Variants in GP2 observed in about 807,000 individuals in gnomAD.
The protein encoded by GP2 is pancreatic secretory granule membrane major glycoprotein GP2.
In GP2, 58 loss-of-function variants were observed where a neutral mutation model predicts 60.8. The observed-to-expected ratio is 0.95, with a 90% CI of 0.77 to 1.19. The LOEUF (loss-of-function observed/expected upper bound fraction) is 1.19, where lower values mean the gene tolerates loss of function less well. GP2 is among the 50% of genes most tolerant of loss of function. The pLI is 0.00. For synonymous variants in GP2, 280 were observed against 253.4 expected (o/e 1.10, Z -1.00); for missense variants, 647 against 667.4 (o/e 0.97, Z 0.34).
Position 20,311,288 on chromosome 16 carries a change from T to C in GP2, c.1547-7A>G. On this transcript the variant is annotated splice_region_variant and splice_polypyrimidine_tract_variant and intron_variant, in intron 10 of 10. Transcript: ENST00000302555. ...GGCCAGGCCACCAGGAACCCTGAAA[T>C]ACAAGAAATATGACTGTCAAGTGTT... 1 of 1,580,888 alleles carries C rather than the reference T, an allele frequency of 6.3e-7. No individual in the cohort carries two copies. Among genetic ancestry groups the C allele is most frequent in the Non-Finnish European group, 8.7e-7 (1 of 1,149,982 alleles).
intron 5 of GP2, 29 bp from the exon 6 acceptor site, chr16:20,319,797 T>C (rs1163154496): frequency 2.5e-6 from 4 of 1,584,462 alleles, no homozygotes; most frequent in Non-Finnish European, 3.5e-6. Context: ...ACCATACAGA[T>C]GTTTATGTGT....
At chr16:20,318,142 A>C (rs1027670020) in intron 7 of GP2, 43 bp downstream of exon 7, 2 of 1,560,354 alleles carry the variant, frequency 1.3e-6, no homozygotes, top group African/African-American at 2.7e-5. Context: ...CTTTCCTGTA[A>C]ACGTTAGTAA....
chr16:20,317,424 A>C, intron 7 of GP2, 49 bp from the exon 8 acceptor site: 1 of 1,417,822 alleles, frequency 7.1e-7, no homozygotes, highest in Non-Finnish European at 9.9e-7. Context: ...ACAGCAGTGG[A>C]GAAAATTAAA....
rs771832988 is a variant in GP2, at chr16:20,318,322, A to C, written c.1116T>G (p.Ser372=). 1.2e-6 allele frequency: 2 copies of C among 1,613,988 alleles called. No homozygotes were observed. The highest frequency in any genetic ancestry group is 1.7e-6 in the Non-Finnish European group (2 of 1,179,832). Reference sequence around the variant, plus strand: ...CACCCACATACAGCACGGACTCAACAGACAGTTCAACTGCATCCCCTTCGT... The same window carrying C: ...CACCCACATACAGCACGGACTCAACCGACAGTTCAACTGCATCCCCTTCGT... ...NPYEGDAVEL[S]VESVLYVGAI... is the part of the protein sequence containing the mutation. Residue 372 remains serine (S), a synonymous_variant, in exon 7 of 11, where the codon TCT becomes TCG. Transcript: ENST00000302555.
At position 20,323,818 on chromosome 16, in the gene GP2, G is replaced by A. The variant is rs767688176; in HGVS notation, c.533C>T (p.Thr178Ile). Residue 178 changes from threonine to isoleucine, a missense_variant and splice_region_variant, in exon 3 of 11, where the codon ACA becomes ATA. Transcript: ENST00000302555. ...GTPWCNLRYC[T>I]DPSTVEDKCE... ...TCCTCCAGGGCTCTGCTGCTCACCT[G>A]TGCAGTATCTCAGATTACACCAGGG... The A allele has an allele frequency of 6.2e-7, 1 of 1,603,772 alleles. No homozygotes were observed. The highest frequency in any genetic ancestry group is 8.5e-7 in the Non-Finnish European group (1 of 1,173,558).
chr16:20,318,159 A>T, intron 7 of GP2, 26 bp downstream of exon 7: 1 of 1,603,800 alleles, frequency 6.2e-7, no homozygotes, highest in Non-Finnish European at 8.5e-7. Context: ...GTAAGGCCAA[A>T]TGATAATTCC....
At chr16:20,326,136 A>T in intron 2 of GP2, 1 of 580,434 alleles carries the variant, frequency 1.7e-6, no homozygotes, top group South Asian at 2.1e-5. Flanking sequence ...GCCCTTTCAG[A>T]GGAATTTCTG....
At chr16:20,320,151 C>A in intron 5 of GP2, 111 bp downstream of exon 5, 1 of 784,020 alleles carries the variant, frequency 1.3e-6, no homozygotes, top group Admixed American at 2.0e-5. Context: ...CTCACACAAC[C>A]CTGGGGGCTC....
In GP2 at chr16:20,327,425, A is replaced by T. The variant is rs776081868; in HGVS notation, c.-37+42T>A. ...CATGTCCAGTGGATCAAGATTTCCC[A>T]GGATTAGGAGGAAGCCTCCTGGGGC... On this transcript the variant is annotated intron_variant, in intron 1 of 10. Coordinates refer to ENST00000302555, the MANE Select transcript of GP2 (RefSeq NM_001502.4). The T allele has an allele frequency of 1.1e-4, 138 of 1,238,220 alleles. 1 individual carries two copies. The highest frequency in any genetic ancestry group is 8.0e-4 in the South Asian group (60 of 75,132). The allele number at this position is 1,238,220 out of a possible 1,614,324, so 76.7% of individuals were successfully genotyped here.
intron 4 of GP2, among the ~76,000 whole-genome samples, chr16:20,321,784 G>A (rs1964364148): frequency 6.6e-6 from 1 of 152,170 alleles, no homozygotes; most frequent in African/African-American, 2.4e-5. Context: ...AGCACAGAGG[G>A]ATGTGTCTGC....
At chr16:20,321,238 T>A (rs1459638702) in intron 4 of GP2, among the ~76,000 whole-genome samples, 2 of 152,132 alleles carry the variant, frequency 1.3e-5, no homozygotes, top group Admixed American at 1.3e-4. Context: ...AATTTCTGTA[T>A]TTTTATAAAG....
intron 10 of GP2, among the ~76,000 whole-genome samples, chr16:20,312,969 G>A (rs887437466): frequency 3.3e-5 from 5 of 152,030 alleles, no homozygotes; most frequent in African/African-American, 1.2e-4. Context: ...TTTAGAATGA[G>A]CTCTAACCAC....
chr16:20,326,336 A>G lies in GP2; in HGVS notation c.94+2T>C, dbSNP rs947465744. On this transcript the variant is annotated splice_donor_variant, in intron 2 of 10. Transcript: ENST00000302555. LOFTEE classifies it high-confidence loss of function. Reference sequence around the variant, plus strand: ...GAGATGCCAGGTGAGCAGAATACTTACCTCGCTGCACTGCAGATGCCTGGG... The same window carrying G: ...GAGATGCCAGGTGAGCAGAATACTTGCCTCGCTGCACTGCAGATGCCTGGG... 6.2e-7 allele frequency: 1 copy of G among 1,613,642 alleles called. No homozygotes were observed. The highest frequency in any genetic ancestry group is 1.7e-4 in the Middle Eastern group (1 of 6,060).
intron 7 of GP2, 139 bp from the exon 8 acceptor site, chr16:20,317,514 G>A (rs555644547): frequency 2.0e-5 from 13 of 657,084 alleles, no homozygotes; most frequent in South Asian, 9.7e-5. Context: ...ATCCATAAGC[G>A]CACATGGCTT....
rs188381172 is a variant in GP2, at chr16:20,314,716, A to C, written c.1502-15T>G. The C allele has an allele frequency of 1.0e-5, 16 of 1,589,532 alleles. 1 individual carries two copies. In the Admixed American group the frequency reaches 2.7e-4, roughly 27 times the overall value. On this transcript the variant is annotated splice_polypyrimidine_tract_variant and intron_variant, in intron 9 of 10. Coordinates refer to ENST00000302555, the MANE Select transcript of GP2 (RefSeq NM_001502.4). ...AGACTGTGCACCTGTGAACAAGAACAGAAGGGGTGGGTTTCCTCAGTCATG... is the reference window on the plus strand; with the variant it reads ...AGACTGTGCACCTGTGAACAAGAACCGAAGGGGTGGGTTTCCTCAGTCATG...
intron 1 of GP2, 110 bp from the exon 2 acceptor site, chr16:20,326,577 C>T: frequency 1.2e-6 from 1 of 858,500 alleles, no homozygotes; most frequent in Middle Eastern, 2.5e-4. Context: ...GTAGGTGTGA[C>T]TTATGGACAG....
At position 20,322,912 on chromosome 16, in the gene GP2, G is replaced by T. The variant is rs748952096; in HGVS notation, c.603C>A (p.Asn201Lys). The T allele has an allele frequency of 2.7e-5, 43 of 1,612,600 alleles. No individual in the cohort carries two copies. The highest frequency in any genetic ancestry group is 3.6e-5 in the Non-Finnish European group (42 of 1,178,754). Residue 201 changes from asparagine (N) to lysine (K), a missense_variant, in exon 4 of 11, where the codon AAC becomes AAA. Coordinates refer to ENST00000302555, the MANE Select transcript of GP2 (RefSeq NM_001502.4). ...CRPEEECLAL[N>K]STWGCFCRQD... is the part of the protein sequence containing the mutation. ...GTCTGCAGAAACAGCCCCAGGTGCT[G>T]TTGAGGGCAAGGCACTCCTCCTCGG...
At chr16:20,321,287 C>T (rs552315198) in intron 4 of GP2, among the ~76,000 whole-genome samples, 3 of 152,214 alleles carry the variant, frequency 2.0e-5, no homozygotes, top group Admixed American at 2.0e-4. Context: ...GTTTCAAACT[C>T]CTGACCTCAA....
chr16:20,319,574 A>T, intron 6 of GP2, 46 bp downstream of exon 6: 1 of 1,436,792 alleles, frequency 7.0e-7, no homozygotes, highest in East Asian at 2.3e-5. Flanking sequence ...GTGTGATGTG[A>T]CTATTGCCAG....
Sources: allele counts gnomAD v4.1 joint callset (sites outside exome capture counted in the v4.1 genomes callset), GRCh38; gene constraint gnomAD v4.1.1; transcripts MANE v1.5; gene names NCBI Gene and HGNC (gene_info 2026-07-23, HGNC 2026-07-21).